The following FOCAD variants were observed in gnomAD, a reference collection of about 807,000 sequenced individuals.
FOCAD encodes focadhesin.
A neutral mutation model predicts 225.6 loss-of-function variants in FOCAD; 198 were observed. The observed-to-expected ratio is 0.88, with a 90% CI of 0.78 to 0.99. The LOEUF (loss-of-function observed/expected upper bound fraction) is 0.99, where lower values mean the gene tolerates loss of function less well. FOCAD is among the 50% of genes least tolerant of loss of function. The probability of loss-of-function intolerance (pLI) is 0.00; values close to 1 mark genes in which losing one functional copy is unlikely to be tolerated. For synonymous variants in FOCAD, 897 were observed against 755.0 expected (o/e 1.19, Z -3.08); for missense variants, 2,713 against 2,123.6 (o/e 1.28, Z -5.46).
At chr9:20,687,825 A>G (rs1261849344) in intron 1 of FOCAD, among the ~76,000 whole-genome samples, 1 of 152,246 alleles carries the variant, frequency 6.6e-6, no homozygotes, top group Non-Finnish European at 1.5e-5. Flanking sequence ...ACAATGGGAT[A>G]AACATTATAA....
intron 28 of FOCAD, among the ~76,000 whole-genome samples, chr9:20,941,525 T>TA: frequency 6.6e-6 from 1 of 152,324 alleles, no homozygotes; most frequent in African/African-American, 2.4e-5. Flanking sequence ...TGATTAATTT[T>TA]AAAAAATATA....
chr9:20,735,633 A>T (rs1827092556), intron 4 of FOCAD, among the ~76,000 whole-genome samples: 1 of 151,530 alleles, frequency 6.6e-6, no homozygotes, highest in Non-Finnish European at 1.5e-5. Context: ...CTCCTGCCTC[A>T]GCCTCCTGAG....
chr9:20,924,830 A>C (rs1834791073), intron 25 of FOCAD, among the ~76,000 whole-genome samples: 1 of 152,188 alleles, frequency 6.6e-6, no homozygotes, highest in South Asian at 2.1e-4. Context: ...GTACTAATGA[A>C]ACATCTAAGC....
chr9:20,657,156 C>T (rs1318998828), upstream of FOCAD, among the ~76,000 whole-genome samples: 4 of 152,104 alleles, frequency 2.6e-5, no homozygotes, highest in Admixed American at 2.0e-4. Context: ...CGCTGTTAGT[C>T]TGATGGGCCT....
intron 2 of FOCAD, among the ~76,000 whole-genome samples, chr9:20,668,283 C>G (rs184457032): frequency 2.6e-5 from 4 of 152,208 alleles, no homozygotes; most frequent in African/African-American, 9.6e-5. Context: ...TTAATGACTC[C>G]ATTTTAACAA....
At chr9:20,774,842 A>T (rs920659199) in intron 8 of FOCAD, among the ~76,000 whole-genome samples, 8 of 152,216 alleles carry the variant, frequency 5.3e-5, no homozygotes, top group Non-Finnish European at 1.2e-4. Context: ...GCAGTTTTAG[A>T]AGGAAATAAC....
At position 20,953,018 on chromosome 9, in the gene FOCAD, G is replaced by C; in HGVS notation, c.4085G>C (p.Ser1362Thr). 6.2e-7 allele frequency: 1 copy of C among 1,613,616 alleles called. No homozygotes were observed. Among genetic ancestry groups the C allele is most frequent in the Non-Finnish European group, 8.5e-7 (1 of 1,179,780 alleles). ...GACTATAGCTACTTGCCTGAAAGCA[G>C]TTTTATTGGAGCAGCTATTGGCTTC... is the stretch of plus-strand genomic sequence containing the variant. ...PTDYSYLPES[S>T]FIGAAIGFFI... The change falls in exon 35 of 44, where the codon AGT becomes ACT. Residue 1362 changes from serine to threonine, a missense_variant. Transcript: ENST00000338382.
intron 11 of FOCAD, among the ~76,000 whole-genome samples, chr9:20,797,479 C>T (rs1821250806): frequency 6.6e-6 from 1 of 151,972 alleles, no homozygotes; most frequent in Admixed American, 6.6e-5. Flanking sequence ...TGTTTGTATC[C>T]TCTTTTATTT....
intron 4 of FOCAD, among the ~76,000 whole-genome samples, chr9:20,736,383 G>C (rs1428010352): frequency 6.6e-6 from 1 of 152,126 alleles, no homozygotes; most frequent in East Asian, 1.9e-4. Flanking sequence ...ACTATTTTGA[G>C]TTTTAGCATG....
intron 1 of FOCAD, among the ~76,000 whole-genome samples, chr9:20,685,430 T>C (rs999680183): frequency 6.6e-6 from 1 of 152,232 alleles, no homozygotes; most frequent in African/African-American, 2.4e-5. Flanking sequence ...ATGCATTTTA[T>C]GATTATGTTT....
At chr9:20,992,515 AAG>A (rs1841758394) in intron 42 of FOCAD, among the ~76,000 whole-genome samples, 1 of 152,216 alleles carries the variant, frequency 6.6e-6, no homozygotes, top group African/African-American at 2.4e-5. Context: ...CTCTGAAGCC[AAG>A]TGTACTTGGG....
chr9:20,656,088 T>A (rs2093881121), upstream of FOCAD, among the ~76,000 whole-genome samples: 3 of 150,810 alleles, frequency 2.0e-5, no homozygotes, highest in Non-Finnish European at 4.4e-5. Context: ...TGAGCGGTTT[T>A]GAGTGAGATT....
chr9:20,778,363 G>A (rs1354760464), intron 8 of FOCAD, among the ~76,000 whole-genome samples: 1 of 151,990 alleles, frequency 6.6e-6, no homozygotes, highest in Non-Finnish European at 1.5e-5. Context: ...CTCCTGAGTA[G>A]CTGGGAAATT....
chr9:20,787,385 A>G (rs866433944), intron 10 of FOCAD, among the ~76,000 whole-genome samples: 1 of 152,194 alleles, frequency 6.6e-6, no homozygotes, highest in South Asian at 2.1e-4. Context: ...CTTAAATTTT[A>G]CAAACGAGTA....
At chr9:20,782,558 G>A (rs536402543) in intron 10 of FOCAD, among the ~76,000 whole-genome samples, 1 of 152,300 alleles carries the variant, frequency 6.6e-6, no homozygotes, top group African/African-American at 2.4e-5. Context: ...TCATGGTTTG[G>A]ATATTGGTTG....
intron 15 of FOCAD, among the ~76,000 whole-genome samples, chr9:20,837,498 T>C (rs968669650): frequency 6.6e-6 from 1 of 152,016 alleles, no homozygotes; most frequent in African/African-American, 2.4e-5. Flanking sequence ...TGTTCTACCA[T>C]TCCAGTGAAT....
chr9:20,799,103 T>C (rs1182215742), intron 11 of FOCAD, among the ~76,000 whole-genome samples: 1 of 152,242 alleles, frequency 6.6e-6, no homozygotes, highest in Non-Finnish European at 1.5e-5. Context: ...ATTTGTTATG[T>C]ACCCAGTAGT....
At chr9:20,904,658 G>A (rs1169905931) in intron 21 of FOCAD, among the ~76,000 whole-genome samples, 1 of 152,002 alleles carries the variant, frequency 6.6e-6, no homozygotes, top group Admixed American at 6.6e-5. Context: ...TGCTCCATCA[G>A]ATAGCTGTCA....
chr9:20,986,097 A>AG (rs1296429178), intron 39 of FOCAD, among the ~76,000 whole-genome samples, 191 bp from the exon 40 acceptor site: 2 of 152,048 alleles, frequency 1.3e-5, no homozygotes, highest in Non-Finnish European at 2.9e-5. Context: ...AAGGAGCAGG[A>AG]GATGGCATTA....
Sources: gnomAD v4.1 joint callset for allele counts (sites outside exome capture counted in the v4.1 genomes callset) on GRCh38, gnomAD v4.1.1 for gene constraint, MANE v1.5 for transcripts, NCBI Gene and HGNC (gene_info 2026-07-23, HGNC 2026-07-21) for gene names.